The following VDAC1 variants were observed in gnomAD, a reference collection of about 807,000 sequenced individuals.
The protein encoded by VDAC1 is voltage dependent anion channel 1, also known as non-selective voltage-gated ion channel VDAC1.
Under a neutral mutation model 34.7 loss-of-function variants are expected in VDAC1, and 10 were observed. The observed-to-expected ratio is 0.29, with a 90% confidence interval of 0.18 to 0.49. VDAC1 has a LOEUF of 0.49. Among genes scored for constraint, VDAC1 ranks in the 20% least tolerant of loss-of-function variants. The pLI, the probability that VDAC1 is intolerant of heterozygous loss-of-function variation, is 0.99. For synonymous variants in VDAC1, 130 were observed against 136.0 expected (o/e 0.96, Z 0.30); for missense variants, 230 against 347.9 (o/e 0.66, Z 2.69).
chr5:134,035,036 G>T, the VDAC1 span, among the ~76,000 whole-genome samples: 2 of 151,976 alleles, frequency 1.3e-5, no homozygotes, highest in Non-Finnish European at 2.9e-5. Context: ...GAGGGCCTAG[G>T]AGCAACGACA....
chr5:134,050,835 G>A, the VDAC1 span, among the ~76,000 whole-genome samples: 1 of 152,210 alleles, frequency 6.6e-6, no homozygotes, highest in Non-Finnish European at 1.5e-5. Flanking sequence ...GAGTCAAGGT[G>A]GGGATGGAAG....
At chr5:134,110,569 T>C in the VDAC1 span, among the ~76,000 whole-genome samples, 4 of 152,204 alleles carry the variant, frequency 2.6e-5, no homozygotes, top group African/African-American at 9.6e-5. Context: ...ACAGTCTACC[T>C]CTAGGACCTG....
At chr5:134,016,485 C>T in the VDAC1 span, among the ~76,000 whole-genome samples, 1,638 of 152,240 alleles carry the variant, frequency 0.011, 28 homozygotes, top group African/African-American at 0.037. Flanking sequence ...ACATGGAACC[C>T]CTTCTCCATA....
chr5:134,069,206 A>ATG, the VDAC1 span, among the ~76,000 whole-genome samples: 1 of 152,202 alleles, frequency 6.6e-6, no homozygotes, highest in South Asian at 2.1e-4. Flanking sequence ...AAAAACTTCA[A>ATG]AGGATCACCA....
chr5:134,060,843 G>A, the VDAC1 span, among the ~76,000 whole-genome samples: 3 of 142,200 alleles, frequency 2.1e-5, no homozygotes, highest in Non-Finnish European at 4.6e-5. Context: ...AGACATACTT[G>A]TGCTTTATTT....
At chr5:134,073,378 T>G in the VDAC1 span, among the ~76,000 whole-genome samples, 1 of 152,320 alleles carries the variant, frequency 6.6e-6, no homozygotes, top group African/African-American at 2.4e-5. Context: ...CCAGTCCTCC[T>G]GAATCAGAAA....
the VDAC1 span, among the ~76,000 whole-genome samples, chr5:134,072,384 T>G: frequency 6.6e-6 from 1 of 152,182 alleles, no homozygotes; most frequent in East Asian, 1.9e-4. Flanking sequence ...GGAGCTTCCA[T>G]CCATCTCACA....
the VDAC1 span, among the ~76,000 whole-genome samples, chr5:134,074,795 A>G: frequency 3.3e-5 from 5 of 152,232 alleles, 1 homozygote; most frequent in Middle Eastern, 0.01. Flanking sequence ...GTACTGATGC[A>G]GGGAACTCCA....
chr5:134,076,225 T>C, the VDAC1 span, among the ~76,000 whole-genome samples: 1 of 150,888 alleles, frequency 6.6e-6, no homozygotes, highest in Non-Finnish European at 1.5e-5. Context: ...GTGATCCACC[T>C]GCCTCGGCCT....
the VDAC1 span, among the ~76,000 whole-genome samples, chr5:134,048,904 T>A: frequency 2.0e-5 from 3 of 152,194 alleles, no homozygotes; most frequent in Non-Finnish European, 4.4e-5. Context: ...CAGTAAATAT[T>A]TGCTGAGTGA....
the VDAC1 span, among the ~76,000 whole-genome samples, chr5:134,063,154 A>C: frequency 6.6e-6 from 1 of 152,186 alleles, no homozygotes; most frequent in Non-Finnish European, 1.5e-5. Context: ...CCTCAAGTTA[A>C]TATATGAATA....
chr5:134,103,403 A>G, the VDAC1 span, among the ~76,000 whole-genome samples: 4,071 of 152,238 alleles, frequency 0.027, 181 homozygotes, highest in African/African-American at 0.093. Context: ...TATTACAAGC[A>G]TGAGCCACTG....
chr5:134,057,493 TTATATCTATATCTATATC>T, the VDAC1 span, among the ~76,000 whole-genome samples: 106 of 134,560 alleles, frequency 7.9e-4, no homozygotes, highest in African/African-American at 2.6e-3. Context: ...AAAAAAAAAT[TTATATCTATATCTATATC>T]TATATCTATA....
the VDAC1 span, among the ~76,000 whole-genome samples, chr5:134,082,860 C>CTA: frequency 6.6e-6 from 1 of 152,076 alleles, no homozygotes; most frequent in Non-Finnish European, 1.5e-5. Context: ...TCAGCCATTC[C>CTA]TATATATATG....
chr5:134,013,272 A>T, the VDAC1 span, among the ~76,000 whole-genome samples: 1 of 152,182 alleles, frequency 6.6e-6, no homozygotes, highest in Non-Finnish European at 1.5e-5. Context: ...CCGTCTGTAC[A>T]AAGAATACAA....
chr5:133,995,968 C>G (rs929914838), intron 1 of VDAC1, among the ~76,000 whole-genome samples: 3 of 152,112 alleles, frequency 2.0e-5, no homozygotes, highest in African/African-American at 7.2e-5. Context: ...CAAATCGGAG[C>G]CTGTACAGTT....
the VDAC1 span, among the ~76,000 whole-genome samples, chr5:134,089,534 C>T: frequency 6.6e-6 from 1 of 152,148 alleles, no homozygotes; most frequent in Non-Finnish European, 1.5e-5. Flanking sequence ...GCAGGGCTGC[C>T]CTGATTAAAA....
upstream of VDAC1, among the ~76,000 whole-genome samples, chr5:134,009,478 C>T (rs1386637955): frequency 6.6e-6 from 1 of 151,664 alleles, no homozygotes; most frequent in Non-Finnish European, 1.5e-5. Context: ...AGGCTGGTCT[C>T]AAACTCCTGA....
intron 6 of VDAC1, among the ~76,000 whole-genome samples, chr5:133,976,540 C>T (rs919038268): frequency 1.1e-4 from 17 of 151,364 alleles, no homozygotes; most frequent in Non-Finnish European, 1.9e-4. Context: ...AGAGGGGGTA[C>T]GTGGTGACTC....
Sources: allele counts gnomAD v4.1 joint callset (sites outside exome capture counted in the v4.1 genomes callset), GRCh38; gene constraint gnomAD v4.1.1; transcripts MANE v1.5; gene names NCBI Gene and HGNC (gene_info 2026-07-23, HGNC 2026-07-21).